The following EDRF1 variants were observed in gnomAD, a reference collection of about 807,000 sequenced individuals.
EDRF1 encodes the protein erythroid differentiation-related factor 1.
Under a neutral mutation model 148.7 loss-of-function variants are expected in EDRF1, and 69 were observed. That is an observed-to-expected ratio of 0.46 (90% CI 0.38 to 0.57). The LOEUF is 0.57. Among genes scored for constraint, EDRF1 ranks in the 20% least tolerant of loss-of-function variants. EDRF1 has a pLI of 0.00. For missense variants in EDRF1, 1,118 were observed against 1,478.7 expected (o/e 0.76, Z 4.00); for synonymous variants, 515 against 532.8 (o/e 0.97, Z 0.46).
intron 1 of EDRF1, 53 bp from the exon 2 acceptor site, chr10:125,721,151 G>C (rs1847977931): frequency 6.4e-7 from 1 of 1,570,458 alleles, no homozygotes; most frequent in East Asian, 2.2e-5. Context: ...ATAAAGGTGA[G>C]ATTTTTCGTT....
intron 10 of EDRF1, 41 bp downstream of exon 10, chr10:125,733,592 G>T (rs1409457713): frequency 1.2e-6 from 2 of 1,609,026 alleles, no homozygotes; most frequent in East Asian, 2.2e-5. Flanking sequence ...TAATTGATTT[G>T]GGTAACTGCT....
chr10:125,746,285 G>C (rs1024112674), intron 19 of EDRF1, among the ~76,000 whole-genome samples: 4 of 152,186 alleles, frequency 2.6e-5, no homozygotes, highest in Non-Finnish European at 4.4e-5. Context: ...TCCCAGCATG[G>C]CACAGTAAGC....
At chr10:125,721,117 G>A in intron 1 of EDRF1, 87 bp from the exon 2 acceptor site, 1 of 1,304,192 alleles carries the variant, frequency 7.7e-7, no homozygotes, top group South Asian at 1.2e-5. Context: ...GAAGCCTGGT[G>A]TGACAGGTTC....
chr10:125,728,828 T>C (rs1471963850), intron 6 of EDRF1, among the ~76,000 whole-genome samples, 175 bp from the exon 7 acceptor site: 1 of 152,226 alleles, frequency 6.6e-6, no homozygotes, highest in African/African-American at 2.4e-5. Context: ...GTAGCTATGA[T>C]CATTAGCCAA....
intron 21 of EDRF1, chr10:125,748,968 A>G: frequency 4.3e-6 from 1 of 232,406 alleles, no homozygotes; most frequent in Admixed American, 5.2e-5. Context: ...GTCGAAGTGG[A>G]AAGAAATCTT....
chr10:125,742,954 A>G, intron 17 of EDRF1, 104 bp from the exon 18 acceptor site: 1 of 1,522,346 alleles, frequency 6.6e-7, no homozygotes, highest in South Asian at 1.2e-5. Flanking sequence ...CTTACACTAT[A>G]TTGCATTTTT....
chr10:125,736,742 G>T (rs1292439404), intron 13 of EDRF1, among the ~76,000 whole-genome samples: 1 of 151,782 alleles, frequency 6.6e-6, no homozygotes, highest in Non-Finnish European at 1.5e-5. Context: ...GCTCATTGGA[G>T]GGTCTTTGTA....
At chr10:125,738,051 CTTGT>C in intron 14 of EDRF1, 62 bp downstream of exon 14, 1 of 1,512,080 alleles carries the variant, frequency 6.6e-7, no homozygotes, top group South Asian at 1.1e-5. Context: ...GCAAATTACA[CTTGT>C]TTGTTGGTAT....
intron 22 of EDRF1, 133 bp from the exon 23 acceptor site, chr10:125,752,666 T>C: frequency 1.6e-6 from 1 of 644,206 alleles, no homozygotes; most frequent in Non-Finnish European, 2.7e-6. Context: ...AGAAGTTGGA[T>C]TTAGAAGATT....
chr10:125,721,632 C>T lies in EDRF1; in HGVS notation c.317+220C>T, dbSNP rs187268264. 3.0e-3 allele frequency among the ~76,000 whole-genome samples: 457 copies of T among 152,242 alleles called. 2 individuals are homozygous for T. Among genetic ancestry groups the T allele is most frequent in the Non-Finnish European group, 2.9e-3 (200 of 68,014 alleles). ...ATTGCATATGCTTCTTTTAAGTCTA[C>T]GTCATGTTATCAGCAAAGATGAGTT... On this transcript the variant is annotated intron_variant, in intron 2 of 24. Coordinates refer to ENST00000356792, the MANE Select transcript of EDRF1 (RefSeq NM_001202438.2).
chr10:125,734,056 T>C lies in EDRF1; in HGVS notation c.1386-16T>C. On this transcript the variant is annotated splice_polypyrimidine_tract_variant and intron_variant, in intron 11 of 24. Coordinates refer to ENST00000356792, the MANE Select transcript of EDRF1 (RefSeq NM_001202438.2). ...GATGAAATGGGCAGTAAAGTTGATA[T>C]AAACTCTTTTTTTAGGGTTGCTTGC... is the stretch of plus-strand genomic sequence containing the variant. The C allele has an allele frequency of 6.3e-7, 1 of 1,598,118 alleles. No homozygotes were observed. The highest frequency in any genetic ancestry group is 8.6e-7 in the Non-Finnish European group (1 of 1,165,590).
chr10:125,725,022 C>G (rs1196740125), intron 4 of EDRF1, among the ~76,000 whole-genome samples: 3 of 152,246 alleles, frequency 2.0e-5, no homozygotes, highest in Admixed American at 2.0e-4. Flanking sequence ...TAAACACATA[C>G]ACAGATCATT....
chr10:125,729,564 G>A (rs1441213425), intron 8 of EDRF1, 85 bp downstream of exon 8: 14 of 1,557,042 alleles, frequency 9.0e-6, no homozygotes, highest in Non-Finnish European at 1.2e-5. Flanking sequence ...TGAGGTTGCA[G>A]TGAGCCAAGA....
Position 125,729,000 on chromosome 10 carries a change from C to A in EDRF1, c.793-3C>A. The A allele has an allele frequency of 6.4e-7, 1 of 1,571,292 alleles. No individual in the cohort carries two copies. Among genetic ancestry groups the A allele is most frequent in the Non-Finnish European group, 8.6e-7 (1 of 1,165,926 alleles). On this transcript the variant is annotated splice_region_variant and splice_polypyrimidine_tract_variant and intron_variant, in intron 6 of 24. Coordinates refer to ENST00000356792, the MANE Select transcript of EDRF1 (RefSeq NM_001202438.2). The stretch of plus-strand genomic sequence containing the variant: ...TCACTCCTTATCCTTGCACTTTTCA[C>A]AGGGAAGTGAGCCTCTTGAACCCTC...
chr10:125,728,224 C>G (rs1848350223), intron 6 of EDRF1, among the ~76,000 whole-genome samples: 2 of 150,310 alleles, frequency 1.3e-5, no homozygotes, highest in Admixed American at 1.3e-4. Flanking sequence ...CAGAGAATAT[C>G]TTAAGAACAA....
chr10:125,730,304 A>G lies in EDRF1; in HGVS notation c.1033A>G (p.Ile345Val). The part of the protein sequence containing the change: ...SLRLRDNNKP[I>V]NVLTGIDYWL... ...TATTTTTAGGGATAACAACAAACCA[A>G]TTAATGTGCTAACTGGAATTGACTA... The change falls in exon 9 of 25, where the codon ATT (isoleucine) becomes GTT (valine). Residue 345 changes from isoleucine to valine, a missense_variant. Ile to Val is a conservative substitution (Grantham distance 29, BLOSUM62 3). This residue lies in a region of EDRF1 where 954 missense variants were observed against 1,241.4 expected (regional missense o/e 0.77). Coordinates refer to ENST00000356792, the MANE Select transcript of EDRF1 (RefSeq NM_001202438.2). The G allele has an allele frequency of 2.5e-6, 4 of 1,613,244 alleles. No homozygotes were observed. The highest frequency in any genetic ancestry group is 2.5e-6 in the Non-Finnish European group (3 of 1,179,218).
chr10:125,746,531 A>T (rs191325028), intron 19 of EDRF1, among the ~76,000 whole-genome samples: 119 of 152,340 alleles, frequency 7.8e-4, no homozygotes, highest in African/African-American at 1.9e-3. Flanking sequence ...CACATTTTTT[A>T]AAAAAAGTAA....
At position 125,763,419 on chromosome 10, in the gene EDRF1, C is replaced by T; in HGVS notation, c.3664C>T (p.Leu1222=). The T allele has an allele frequency of 6.2e-7, 1 of 1,611,666 alleles. No homozygotes were observed. The highest frequency in any genetic ancestry group is 8.5e-7 in the Non-Finnish European group (1 of 1,180,020). Residue 1222 remains leucine, a synonymous_variant, in exon 25 of 25, where the codon CTG becomes TTG. Coordinates refer to ENST00000356792, the MANE Select transcript of EDRF1 (RefSeq NM_001202438.2). The surrounding 1 kb of genome is among the most constrained non-coding windows in gnomAD (Gnocchi z 4.3). The part of the protein sequence containing the change: ...LLERINVIVH[L]LGQLAAGSAA... ...GGAAAGAATCAACGTTATCGTCCAC[C>T]TGCTGGGCCAGCTTGCCGCCGGCAG... is the stretch of plus-strand genomic sequence containing the variant.
rs190551852 is a variant in EDRF1 at position 125,743,835 on chromosome 10, G to A, written c.2590+559G>A. Among the ~76,000 whole-genome samples, 4 of 152,304 alleles carry A rather than the reference G, an allele frequency of 2.6e-5. No homozygotes were observed. The East Asian group carries it at 7.7e-4, about 29-fold the overall frequency. On this transcript the variant is annotated intron_variant, in intron 18 of 24. Transcript: ENST00000356792. ...AAGCCAGGGATCTCAAAGGGTGCAA[G>A]TGTACGTTTAGAGGGAGCAAGAGGC...
Sources: allele counts gnomAD v4.1 joint callset (sites outside exome capture counted in the v4.1 genomes callset), GRCh38; gene constraint gnomAD v4.1.1; regional missense constraint gnomAD v4.1.1; non-coding constraint Gnocchi (gnomAD v3.1); transcripts MANE v1.5; gene names NCBI Gene and HGNC (gene_info 2026-07-23, HGNC 2026-07-21).